Variants in SLC38A1 observed in about 807,000 individuals in gnomAD.
SLC38A1 encodes the protein sodium-coupled neutral amino acid symporter 1.
In SLC38A1, 18 loss-of-function variants were observed where a neutral mutation model predicts 60.3. That is an observed-to-expected ratio of 0.30 (90% confidence interval 0.21 to 0.44). SLC38A1 has a LOEUF of 0.44. Among genes scored for constraint, SLC38A1 ranks in the 20% least tolerant of loss-of-function variants. The pLI, the probability that SLC38A1 is intolerant of heterozygous loss-of-function variation, is 1.00. For synonymous variants in SLC38A1, 196 were observed against 212.1 expected (o/e 0.92, Z 0.66); for missense variants, 448 against 587.2 (o/e 0.76, Z 2.45).
chr12:46,192,988 T>G (rs951116804), intron 16 of SLC38A1, among the ~76,000 whole-genome samples: 1 of 152,228 alleles, frequency 6.6e-6, no homozygotes, highest in African/African-American at 2.4e-5. Flanking sequence ...TGAATTTGTT[T>G]GCTTTCGCTT....
intron 1 of SLC38A1, chr12:46,254,758 A>G (rs555043797): frequency 6.6e-6 from 1 of 152,602 alleles, no homozygotes; most frequent in African/African-American, 2.4e-5. Context: ...AAAAGAAAAC[A>G]GATTCTTATT....
intron 5 of SLC38A1, among the ~76,000 whole-genome samples, chr12:46,212,304 G>T (rs952546173): frequency 1.4e-4 from 21 of 152,204 alleles, no homozygotes; most frequent in Admixed American, 1.4e-3. Flanking sequence ...TAACACAGAG[G>T]AACACAAGTG....
intron 1 of SLC38A1, among the ~76,000 whole-genome samples, chr12:46,263,056 A>C (rs1204618697): frequency 6.6e-6 from 1 of 152,228 alleles, no homozygotes; most frequent in African/African-American, 2.4e-5. Context: ...GTAGGCCAAT[A>C]GGCCTCAGTT....
chr12:46,240,970 AG>A, intron 2 of SLC38A1, among the ~76,000 whole-genome samples: 1 of 152,308 alleles, frequency 6.6e-6, no homozygotes, highest in East Asian at 1.9e-4. Flanking sequence ...CGAATTAAAA[AG>A]CAGATGGCTT....
intron 12 of SLC38A1, 95 bp downstream of exon 12, chr12:46,202,915 G>A (rs1240078026): frequency 6.7e-5 from 56 of 834,326 alleles, no homozygotes; most frequent in South Asian, 8.3e-5. Flanking sequence ...ATCCGCTGAC[G>A]TTCATTAGAC....
At chr12:46,253,194 G>C (rs1941914365) in intron 1 of SLC38A1, among the ~76,000 whole-genome samples, 2 of 152,110 alleles carry the variant, frequency 1.3e-5, no homozygotes, top group South Asian at 4.1e-4. Flanking sequence ...AAAAATGTTT[G>C]GGACCAGAAG....
intron 2 of SLC38A1, among the ~76,000 whole-genome samples, chr12:46,241,086 C>T (rs1169345547): frequency 6.6e-6 from 1 of 152,038 alleles, no homozygotes; most frequent in Non-Finnish European, 1.5e-5. Context: ...CATGGGGAGC[C>T]TCACCGTGAT....
At chr12:46,248,449 G>C (rs1200755310) in intron 1 of SLC38A1, among the ~76,000 whole-genome samples, 1 of 151,940 alleles carries the variant, frequency 6.6e-6, no homozygotes, top group Non-Finnish European at 1.5e-5. Flanking sequence ...AGGCCATAAT[G>C]GTAAAGGGAT....
At position 46,268,486 on chromosome 12, in the gene SLC38A1, C is replaced by G. The variant is rs549784222; in HGVS notation, c.-209+40G>C. The G allele has an allele frequency of 6.5e-4, 104 of 159,052 alleles. No individual in the cohort carries two copies. Among genetic ancestry groups the G allele is most frequent in the Middle Eastern group, 3.3e-3 (1 of 306 alleles). 9.9% of individuals were successfully genotyped at this position (159,052 alleles called of 1,614,324 possible). A position where few individuals can be genotyped will look rare whatever the true frequency, so the allele number is the denominator to read the frequency against. Reference sequence around the variant, plus strand: ...CTCCGACATCTAAATCTCCCCTTGCCGCTCGCCCAGCCCTCCCCGGGAACG... The same window carrying G: ...CTCCGACATCTAAATCTCCCCTTGCGGCTCGCCCAGCCCTCCCCGGGAACG... On this transcript the variant is annotated intron_variant, in intron 1 of 16. Transcript: ENST00000398637. The surrounding 1 kb of genome is among the most constrained non-coding windows in gnomAD (Gnocchi z 4.4).
rs936990171 is a variant in SLC38A1, at chr12:46,211,798, A to G, written c.315-2671T>C. 3.6e-4 allele frequency among the ~76,000 whole-genome samples: 55 copies of G among 151,992 alleles called. 1 individual carries two copies. Among genetic ancestry groups the G allele is most frequent in the Admixed American group, 3.5e-3 (54 of 15,280 alleles). On this transcript the variant is annotated intron_variant, in intron 5 of 16. Transcript: ENST00000398637. ...CGTAACATTGCACCCCAGAGTACTT[A>G]GAGTCTGATAGTTTTTGCCTTTAAC...
chr12:46,203,719 C>A (rs74082006), intron 11 of SLC38A1, among the ~76,000 whole-genome samples: 2 of 152,182 alleles, frequency 1.3e-5, no homozygotes, highest in Non-Finnish European at 2.9e-5. Flanking sequence ...GAAAACTAAC[C>A]TATCTTATGC....
intron 3 of SLC38A1, among the ~76,000 whole-genome samples, chr12:46,232,721 T>C (rs957130852): frequency 2.6e-5 from 4 of 152,220 alleles, no homozygotes; most frequent in Non-Finnish European, 5.9e-5. Flanking sequence ...CCCTCTCTCT[T>C]CTGAGATACC....
chr12:46,242,335 T>G (rs566427480), intron 2 of SLC38A1, among the ~76,000 whole-genome samples: 3 of 152,270 alleles, frequency 2.0e-5, no homozygotes, highest in African/African-American at 7.2e-5. Context: ...ATAGTATCAG[T>G]TCAACTTATC....
intron 5 of SLC38A1, among the ~76,000 whole-genome samples, chr12:46,209,808 T>G (rs955466609): frequency 2.6e-5 from 4 of 152,188 alleles, no homozygotes; most frequent in Non-Finnish European, 5.9e-5. Context: ...TTAGTACATC[T>G]GGGTCATTAT....
intron 1 of SLC38A1, among the ~76,000 whole-genome samples, chr12:46,247,807 G>A (rs1221393859): frequency 6.6e-6 from 1 of 152,212 alleles, no homozygotes; most frequent in East Asian, 1.9e-4. Flanking sequence ...TACCCACAAA[G>A]GGAAGCCCAT....
At chr12:46,233,160 G>A (rs147609471) in intron 3 of SLC38A1, among the ~76,000 whole-genome samples, 1,598 of 151,936 alleles carry the variant, frequency 0.011, 17 homozygotes, top group Non-Finnish European at 0.018. Context: ...CTGGGACTAC[G>A]GGCACACACC....
intron 1 of SLC38A1, among the ~76,000 whole-genome samples, chr12:46,253,465 G>C (rs558491608): frequency 5.3e-4 from 80 of 152,344 alleles, no homozygotes; most frequent in Non-Finnish European, 9.4e-4. Flanking sequence ...GCAACTTCCA[G>C]ATGTTGCCAT....
At position 46,229,600 on chromosome 12, in the gene SLC38A1, T is replaced by C. The variant is rs1940992633; in HGVS notation, c.162A>G (p.Thr54=). ...ACTTCTTTTTTTCCAAATGGCTGTT[T>C]GTGAGACTTCTTCTACTTTCACGAT... ...ISDRESRRSL[T]NSHLEKKKCD... The change falls in exon 4 of 17, where the codon ACA becomes ACG. Residue 54 remains threonine, a synonymous_variant. Transcript: ENST00000398637. The C allele has an allele frequency of 6.2e-7, 1 of 1,613,762 alleles. No homozygotes were observed. The highest frequency in any genetic ancestry group is 1.3e-5 in the African/African-American group (1 of 75,050).
chr12:46,188,840 T>C lies in SLC38A1; in HGVS notation c.*130A>G, dbSNP rs1482952984. On this transcript the variant is annotated 3_prime_UTR_variant, in exon 17 of 17. Coordinates refer to ENST00000398637, the MANE Select transcript of SLC38A1 (RefSeq NM_030674.4). The stretch of plus-strand genomic sequence containing the variant: ...TGTCTCTGTTTTGCAACCAAAAAGT[T>C]ATTCCATTTTAAGTATCCTGTACAT... 10 of 695,888 alleles carry C rather than the reference T, an allele frequency of 1.4e-5. No individual in the cohort carries two copies. The highest frequency in any genetic ancestry group is 2.2e-5 in the Non-Finnish European group (9 of 416,202). 43.1% of individuals were successfully genotyped at this position (695,888 alleles called of 1,614,324 possible).
Sources: gnomAD v4.1 joint callset for allele counts (sites outside exome capture counted in the v4.1 genomes callset) on GRCh38, gnomAD v4.1.1 for gene constraint, Gnocchi (gnomAD v3.1) non-coding constraint, MANE v1.5 for transcripts, NCBI Gene and HGNC (gene_info 2026-07-23, HGNC 2026-07-21) for gene names.